CCM2L: variants seen among roughly 807,000 people sequenced by gnomAD.
The protein encoded by CCM2L is CCM2 like scaffold protein.
Under a neutral mutation model 54.1 loss-of-function variants are expected in CCM2L, and 36 were observed. That is an observed-to-expected ratio of 0.67 (90% CI 0.51 to 0.88). The LOEUF (loss-of-function observed/expected upper bound fraction) is 0.88. CCM2L is among the 40% of genes least tolerant of loss of function. The pLI, the probability that CCM2L is intolerant of heterozygous loss-of-function variation, is 0.00. For synonymous variants in CCM2L, 351 were observed against 359.3 expected (o/e 0.98, Z 0.26); for missense variants, 700 against 812.1 (o/e 0.86, Z 1.68).
intron 2 of CCM2L, among the ~76,000 whole-genome samples, chr20:32,017,342 A>G (rs769477589): frequency 2.6e-5 from 4 of 152,200 alleles, no homozygotes; most frequent in Non-Finnish European, 5.9e-5. Context: ...TCCTTTGACA[A>G]TGATGCTTGG....
At chr20:32,010,802 C>T (rs558038839) in intron 1 of CCM2L, among the ~76,000 whole-genome samples, 108 of 152,268 alleles carry the variant, frequency 7.1e-4, no homozygotes, top group Middle Eastern at 3.4e-3. Flanking sequence ...CCTCCTGCAG[C>T]CTCTCAGACA....
At chr20:32,012,648 C>T (rs1568906832) in intron 1 of CCM2L, among the ~76,000 whole-genome samples, 1 of 152,098 alleles carries the variant, frequency 6.6e-6, no homozygotes, top group Admixed American at 6.6e-5. Context: ...AGCTCCAACC[C>T]AACTGTACTG....
In CCM2L at chr20:32,019,238, C is replaced by T. The variant is rs1250773819; in HGVS notation, c.762C>T (p.Gly254=). 5.2e-6 allele frequency: 6 copies of T among 1,152,532 alleles called. No individual in the cohort carries two copies. The highest frequency in any genetic ancestry group is 6.5e-6 in the Non-Finnish European group (6 of 922,692). The allele number at this position is 1,152,532 out of a possible 1,614,324, so 71.4% of individuals were successfully genotyped here. Residue 254 remains glycine (G), a synonymous_variant, in exon 5 of 10, where the codon GGC becomes GGT. Transcript: ENST00000452892. ...SGSWERRHGG[G]GGGGGAGKPG... The stretch of plus-strand genomic sequence containing the variant: ...GCTGGGAGCGGCGGCACGGAGGCGG[C>T]GGCGGCGGCGGCGGCGCGGGAAAGC...
chr20:32,024,062 A>G (rs2064831807), intron 6 of CCM2L, among the ~76,000 whole-genome samples: 1 of 152,176 alleles, frequency 6.6e-6, no homozygotes, highest in Non-Finnish European at 1.5e-5. Context: ...TGAGGACATT[A>G]AGGCTCAGAT....
rs1475438149 is a variant in CCM2L, at chr20:32,019,241, C to A, written c.765C>A (p.Gly255=). ...GGGAGCGGCGGCACGGAGGCGGCGG[C>A]GGCGGCGGCGGCGCGGGAAAGCCGG... ...GSWERRHGGG[G]GGGGAGKPGG... Residue 255 remains glycine, a synonymous_variant, in exon 5 of 10, where the codon GGC becomes GGA. Coordinates refer to ENST00000452892, the MANE Select transcript of CCM2L (RefSeq NM_001365692.1). 3.4e-6 allele frequency: 4 copies of A among 1,173,374 alleles called. No homozygotes were observed. Among genetic ancestry groups the A allele is most frequent in the Non-Finnish European group, 4.3e-6 (4 of 939,450 alleles). The allele number at this position is 1,173,374 out of a possible 1,614,324, so 72.7% of individuals were successfully genotyped here.
intron 6 of CCM2L, among the ~76,000 whole-genome samples, chr20:32,023,735 G>GT (rs1344266225): frequency 2.0e-5 from 3 of 152,126 alleles, no homozygotes; most frequent in African/African-American, 4.8e-5. Flanking sequence ...TGTTGTTGTT[G>GT]TTGTTTGTTT....
At position 32,015,040 on chromosome 20, in the gene CCM2L, T is replaced by A; in HGVS notation, c.167T>A (p.Leu56Gln). The A allele has an allele frequency of 6.5e-7, 1 of 1,536,698 alleles. No individual in the cohort carries two copies. The highest frequency in any genetic ancestry group is 8.7e-7 in the Non-Finnish European group (1 of 1,144,806). The change falls in exon 2 of 10, where the codon CTG becomes CAG. Residue 56 changes from leucine (L) to glutamine (Q), a missense_variant. Transcript: ENST00000452892. ...GACTACCTCATCGACCCCCAGATTC[T>A]GCTGTGTGACTACCTGGAGAAAGAG... is the stretch of plus-strand genomic sequence containing the variant. ...PPDYLIDPQI[L>Q]LCDYLEKEVK...
chr20:32,025,493 CT>C (rs2064850550), intron 6 of CCM2L, among the ~76,000 whole-genome samples: 1 of 152,166 alleles, frequency 6.6e-6, no homozygotes, highest in Non-Finnish European at 1.5e-5. Flanking sequence ...GTCTTGAAGC[CT>C]GGGCTCAAGC....
At position 32,018,963 on chromosome 20, in the gene CCM2L, C is replaced by A; in HGVS notation, c.487C>A (p.Pro163Thr). Residue 163 changes from proline to threonine, a missense_variant, in exon 5 of 10, where the codon CCG (proline) becomes ACG (threonine). Physicochemically the swap from Pro to Thr is conservative, Grantham distance 38. Coordinates refer to ENST00000452892, the MANE Select transcript of CCM2L (RefSeq NM_001365692.1). The part of the protein sequence containing the change: ...LKTGLGVDPV[P>T]AGVDASPGGA... The stretch of plus-strand genomic sequence containing the variant: ...CCTAGGTCTGGGTGTGGACCCGGTG[C>A]CGGCCGGCGTGGATGCCAGCCCAGG... The A allele has an allele frequency of 5.0e-6, 7 of 1,402,010 alleles. No homozygotes were observed. The highest frequency in any genetic ancestry group is 6.5e-6 in the Non-Finnish European group (7 of 1,082,370). The allele number at this position is 1,402,010 out of a possible 1,614,324, so 86.8% of individuals were successfully genotyped here. A position where few individuals can be genotyped will look rare whatever the true frequency, so the allele number is the denominator to read the frequency against.
chr20:32,031,173 C>T lies in CCM2L; in HGVS notation c.1575C>T (p.Pro525=), dbSNP rs1412740727. 1.5e-6 allele frequency: 2 copies of T among 1,302,324 alleles called. No homozygotes were observed. Among genetic ancestry groups the T allele is most frequent in the Admixed American group, 2.3e-5 (1 of 43,520 alleles). The allele number at this position is 1,302,324 out of a possible 1,614,324, so 80.7% of individuals were successfully genotyped here. ...VRSYDGAAQR[P]EAQAFHRLLA... Reference sequence around the variant, plus strand: ...GCTACGATGGCGCGGCGCAGCGGCCCGAGGCACAGGCCTTCCACCGGCTGC... The same window carrying T: ...GCTACGATGGCGCGGCGCAGCGGCCTGAGGCACAGGCCTTCCACCGGCTGC... The change falls in exon 10 of 10, where the codon CCC becomes CCT. Residue 525 remains proline, a synonymous_variant. Coordinates refer to ENST00000452892, the MANE Select transcript of CCM2L (RefSeq NM_001365692.1).
At chr20:32,027,791 C>T (rs186284915) in intron 7 of CCM2L, 7 of 152,204 alleles carry the variant, frequency 4.6e-5, no homozygotes, top group African/African-American at 1.7e-4. Context: ...TCTTGAGTAC[C>T]TCCTATGTGC....
chr20:32,014,261 A>ATTTTTT (rs5841095), intron 1 of CCM2L, among the ~76,000 whole-genome samples: 1 of 132,238 alleles, frequency 7.6e-6, no homozygotes, highest in African/African-American at 2.9e-5. Flanking sequence ...ATATATATAT[A>ATTTTTT]TTTTTTTTTT....
intron 8 of CCM2L, 90 bp from the exon 9 acceptor site, chr20:32,029,610 C>T (rs769718328): frequency 2.3e-5 from 34 of 1,475,584 alleles, no homozygotes; most frequent in Middle Eastern, 1.9e-4. Context: ...CTGGACCAAA[C>T]ATGCCCTTAG....
chr20:32,018,871 G>C, intron 4 of CCM2L, 72 bp from the exon 5 acceptor site: 1 of 1,239,610 alleles, frequency 8.1e-7, no homozygotes, highest in South Asian at 2.8e-5. Flanking sequence ...CAGGTGGCCA[G>C]CCGGCCTCGG....
intron 2 of CCM2L, among the ~76,000 whole-genome samples, chr20:32,015,620 G>A (rs1259137455): frequency 6.6e-6 from 1 of 152,220 alleles, no homozygotes; most frequent in African/African-American, 2.4e-5. Flanking sequence ...GTAAGGTTGT[G>A]ATGGCCTTTG....
At chr20:32,012,221 AC>A (rs1350318466) in intron 1 of CCM2L, among the ~76,000 whole-genome samples, 1 of 152,002 alleles carries the variant, frequency 6.6e-6, no homozygotes, top group Non-Finnish European at 1.5e-5. Flanking sequence ...ACTGGGTCTT[AC>A]CCCCAGTTTC....
chr20:32,029,854 A>G lies in CCM2L; in HGVS notation c.1402+16A>G. The G allele has an allele frequency of 6.3e-7, 1 of 1,581,908 alleles. No individual in the cohort carries two copies. Among genetic ancestry groups the G allele is most frequent in the Non-Finnish European group, 8.6e-7 (1 of 1,161,020 alleles). On this transcript the variant is annotated intron_variant, in intron 9 of 9. Coordinates refer to ENST00000452892, the MANE Select transcript of CCM2L (RefSeq NM_001365692.1). ...CTCCTCCTTGGTGAGCCCCCGCTGT[A>G]CCCCCAGAGGTCAGCTAGGGCCCCT...
rs1478702611 is a variant in CCM2L, at chr20:32,014,915, C to T, written c.42C>T (p.Ser14=). ...CCTCTCCTCCCCAGGGCTTTGTATC[C>T]CCCATCCGAAGGCTGGTGTTCCCCA... The part of the protein sequence containing the change: ...EVKKGKKGFV[S]PIRRLVFPKA... Residue 14 remains serine (S), a synonymous_variant, in exon 2 of 10, where the codon TCC becomes TCT. Transcript: ENST00000452892. 1 of 1,599,628 alleles carries T rather than the reference C, an allele frequency of 6.3e-7. No homozygotes were observed. Among genetic ancestry groups the T allele is most frequent in the Non-Finnish European group, 8.5e-7 (1 of 1,173,294 alleles).
chr20:32,028,926 A>G, intron 7 of CCM2L, 69 bp from the exon 8 acceptor site: 1 of 1,599,352 alleles, frequency 6.3e-7, no homozygotes, highest in Non-Finnish European at 8.5e-7. Context: ...GAGGCCTCCT[A>G]CCTTCAGCCT....
Sources: gnomAD v4.1 joint callset for allele counts (sites outside exome capture counted in the v4.1 genomes callset) on GRCh38, gnomAD v4.1.1 for gene constraint, MANE v1.5 for transcripts, NCBI Gene and HGNC (gene_info 2026-07-23, HGNC 2026-07-21) for gene names.